The following GMDS variants were observed in gnomAD, a reference collection of about 807,000 sequenced individuals.
GMDS encodes GDP-mannose 4,6 dehydratase.
GMDS carries 20 observed loss-of-function variants against 49.9 expected under a neutral mutation model. The observed-to-expected ratio is 0.40, with a 90% confidence interval of 0.28 to 0.58. The LOEUF is 0.58. Among genes scored for constraint, GMDS ranks in the 20% least tolerant of loss-of-function variants. The pLI is 0.42. For synonymous variants in GMDS, 177 were observed against 178.6 expected, an observed-to-expected ratio of 0.99 and a Z score of 0.07; for missense variants, 362 against 481.4, an observed-to-expected ratio of 0.75 and a Z score of 2.32.
chr6:1,858,967 G>T (rs3800102), intron 7 of GMDS, among the ~76,000 whole-genome samples: 19 of 150,598 alleles, frequency 1.3e-4, no homozygotes, highest in Admixed American at 5.2e-4. Flanking sequence ...TTGTGTTTTG[G>T]GGGGGGCAGG....
intron 7 of GMDS, among the ~76,000 whole-genome samples, chr6:1,783,343 C>A (rs936319789): frequency 1.3e-5 from 2 of 152,182 alleles, no homozygotes; most frequent in African/African-American, 4.8e-5. Context: ...GGTGCAGGTG[C>A]AAGTCTTAAT....
intron 4 of GMDS, among the ~76,000 whole-genome samples, chr6:1,979,169 G>A (rs750983709): frequency 2.2e-4 from 34 of 152,232 alleles, no homozygotes; most frequent in Non-Finnish European, 4.4e-4. Flanking sequence ...AGTAACTCCA[G>A]CAAGGGCTCA....
At chr6:2,072,827 T>C (rs1279472094) in intron 4 of GMDS, among the ~76,000 whole-genome samples, 1 of 152,236 alleles carries the variant, frequency 6.6e-6, no homozygotes, top group African/African-American at 2.4e-5. Flanking sequence ...CCCCATCTTC[T>C]TGTTCCAAAT....
chr6:1,944,922 A>C (rs930863508), intron 6 of GMDS, among the ~76,000 whole-genome samples: 3 of 152,188 alleles, frequency 2.0e-5, no homozygotes, highest in African/African-American at 7.2e-5. Flanking sequence ...ACAGAAAAGT[A>C]AATATAGGCA....
intron 9 of GMDS, among the ~76,000 whole-genome samples, chr6:1,699,529 G>C (rs991458274): frequency 6.6e-6 from 1 of 152,102 alleles, no homozygotes; most frequent in African/African-American, 2.4e-5. Context: ...GAGGCTCCCG[G>C]AAAGAACCCG....
chr6:1,949,179 T>A, intron 6 of GMDS: 1 of 200,978 alleles, frequency 5.0e-6, no homozygotes, highest in African/African-American at 2.3e-5. Context: ...TGCACTGTAT[T>A]AATCTTTTCC....
At chr6:2,221,613 A>C (rs11242747) in intron 1 of GMDS, among the ~76,000 whole-genome samples, 19,383 of 152,128 alleles carry the variant, frequency 0.13, 1,847 homozygotes, top group East Asian at 0.41. Flanking sequence ...TGGTCTCCAT[A>C]TCCTGACCTC....
chr6:1,709,698 A>G (rs1048690058), intron 9 of GMDS, among the ~76,000 whole-genome samples: 3 of 152,228 alleles, frequency 2.0e-5, no homozygotes, highest in Non-Finnish European at 4.4e-5. Context: ...CTGCCCTTAC[A>G]TGGCTATTTA....
intron 9 of GMDS, among the ~76,000 whole-genome samples, chr6:1,719,548 C>T (rs1238103929): frequency 6.6e-6 from 1 of 151,194 alleles, no homozygotes; most frequent in South Asian, 2.1e-4. Context: ...TCCATGAACA[C>T]AGATTTTTGG....
chr6:2,139,084 CT>C (rs1481650806), intron 1 of GMDS, among the ~76,000 whole-genome samples: 1 of 152,120 alleles, frequency 6.6e-6, no homozygotes, highest in Non-Finnish European at 1.5e-5. Context: ...GGATAAAAAT[CT>C]ACATGTCAGG....
intron 9 of GMDS, among the ~76,000 whole-genome samples, chr6:1,717,282 C>T (rs1766209100): frequency 1.3e-5 from 2 of 152,218 alleles, no homozygotes; most frequent in African/African-American, 4.8e-5. Context: ...AGATTTTAGA[C>T]TATCAAAGTG....
rs142443190 is a variant in GMDS, at chr6:1,806,995, G to A, written c.772-64409C>T. Among the ~76,000 whole-genome samples the A allele has an allele frequency of 1.3e-3, 202 of 152,218 alleles. 1 individual carries two copies. In the East Asian group the frequency reaches 0.018, roughly 14 times the overall value. Reference sequence around the variant, plus strand: ...ATTTAGACCAGAAAAATCTCAATACGGGGAGAGGAGTGGAAGCAGTTTTTA... The same window carrying A: ...ATTTAGACCAGAAAAATCTCAATACAGGGAGAGGAGTGGAAGCAGTTTTTA... On this transcript the variant is annotated intron_variant, in intron 7 of 10. Coordinates refer to ENST00000380815, the MANE Select transcript of GMDS (RefSeq NM_001500.4).
At chr6:2,156,921 G>A (rs949371823) in intron 1 of GMDS, among the ~76,000 whole-genome samples, 2 of 152,072 alleles carry the variant, frequency 1.3e-5, no homozygotes, top group Non-Finnish European at 2.9e-5. Flanking sequence ...TGTACATATT[G>A]CTAAATTCAT....
chr6:1,780,357 G>A (rs1769028213), intron 7 of GMDS, among the ~76,000 whole-genome samples: 1 of 152,166 alleles, frequency 6.6e-6, no homozygotes, highest in Admixed American at 6.5e-5. Flanking sequence ...CAGTACCAAG[G>A]ATGCTAGAAG....
chr6:2,059,477 G>A lies in GMDS; in HGVS notation c.345+56294C>T, dbSNP rs9378675. Among the ~76,000 whole-genome samples, 706 of 150,784 alleles carry A rather than the reference G, an allele frequency of 4.7e-3. 8 individuals carry two copies. The highest frequency in any genetic ancestry group is 0.038 in the Middle Eastern group (11 of 292). ...TAATCCCAGCACTTTGGGAGGCCGA[G>A]GCGGGTGGATCACGAGGTCAGGAGA... On this transcript the variant is annotated intron_variant, in intron 4 of 10. Coordinates refer to ENST00000380815, the MANE Select transcript of GMDS (RefSeq NM_001500.4).
intron 8 of GMDS, among the ~76,000 whole-genome samples, chr6:1,737,236 A>G (rs1767029941): frequency 6.6e-6 from 1 of 152,184 alleles, no homozygotes; most frequent in Non-Finnish European, 1.5e-5. Flanking sequence ...CACCTCCCAC[A>G]ACGACAACAA....
intron 9 of GMDS, 38 bp from the exon 10 acceptor site, chr6:1,624,578 C>A (rs775773131): frequency 1.4e-6 from 2 of 1,457,204 alleles, no homozygotes; most frequent in Admixed American, 1.7e-5. Context: ...AGGCGTGGGT[C>A]GTGGGGGTGG....
At chr6:2,048,932 C>T (rs918661569) in intron 4 of GMDS, among the ~76,000 whole-genome samples, 3 of 152,082 alleles carry the variant, frequency 2.0e-5, no homozygotes, top group East Asian at 3.9e-4. Flanking sequence ...TGGAGATGGG[C>T]CTTTGGGAGG....
intron 7 of GMDS, among the ~76,000 whole-genome samples, chr6:1,926,444 CG>C (rs1762012601): frequency 6.6e-6 from 1 of 152,206 alleles, no homozygotes; most frequent in South Asian, 2.1e-4. Flanking sequence ...CACCATCACA[CG>C]CTCTGCGAGG....
Sources: allele counts gnomAD v4.1 joint callset (sites outside exome capture counted in the v4.1 genomes callset), GRCh38; gene constraint gnomAD v4.1.1; transcripts MANE v1.5; gene names NCBI Gene and HGNC (gene_info 2026-07-23, HGNC 2026-07-21).